Variants in TTLL11 observed in about 807,000 individuals in gnomAD.
TTLL11 encodes tubulin polyglutamylase TTLL11.
Under a neutral mutation model 51.7 loss-of-function variants are expected in TTLL11, and 42 were observed. The observed-to-expected ratio is 0.81, with a 90% CI of 0.64 to 1.05. TTLL11 has a LOEUF of 1.05. TTLL11 is among the 50% of genes least tolerant of loss of function. TTLL11 has a pLI of 0.00. For missense variants in TTLL11, 799 were observed against 940.4 expected (o/e 0.85, Z 1.97); for synonymous variants, 381 against 383.5 (o/e 0.99, Z 0.08).
intron 3 of TTLL11, among the ~76,000 whole-genome samples, chr9:121,997,667 T>C (rs1363535308): frequency 6.6e-6 from 1 of 152,138 alleles, no homozygotes; most frequent in Admixed American, 6.5e-5. Context: ...ACTTACTCCC[T>C]CTTATGGTAC....
intron 7 of TTLL11, among the ~76,000 whole-genome samples, chr9:121,862,657 G>C (rs1418791586): frequency 6.6e-6 from 1 of 152,182 alleles, no homozygotes; most frequent in Non-Finnish European, 1.5e-5. Context: ...CCCCTGTCCT[G>C]GACAGGATCG....
intron 3 of TTLL11, among the ~76,000 whole-genome samples, chr9:122,029,800 C>A (rs894435484): frequency 2.6e-5 from 4 of 152,178 alleles, no homozygotes; most frequent in Admixed American, 2.6e-4. Flanking sequence ...TTACCATTCA[C>A]TCACAGACTC....
intron 1 of TTLL11, among the ~76,000 whole-genome samples, chr9:122,054,491 T>G (rs553833435): frequency 6.0e-4 from 92 of 152,250 alleles, no homozygotes; most frequent in South Asian, 1.9e-3. Context: ...TGGCTTGCAG[T>G]TTTAATTAAA....
intron 8 of TTLL11, among the ~76,000 whole-genome samples, chr9:121,834,808 C>G (rs1249744587): frequency 1.3e-5 from 2 of 149,142 alleles, no homozygotes; most frequent in African/African-American, 4.9e-5. Context: ...GCCTGGGCGA[C>G]AGAGTGAGAC....
At chr9:122,091,409 A>G (rs1846255695) in intron 1 of TTLL11, among the ~76,000 whole-genome samples, 1 of 152,202 alleles carries the variant, frequency 6.6e-6, no homozygotes, top group African/African-American at 2.4e-5. Flanking sequence ...CCAGCATGAA[A>G]GTTCCCCTCT....
At chr9:122,064,776 A>T (rs1845530813) in intron 1 of TTLL11, among the ~76,000 whole-genome samples, 1 of 152,160 alleles carries the variant, frequency 6.6e-6, no homozygotes, top group South Asian at 2.1e-4. Flanking sequence ...AAGACAAAGG[A>T]GGAGGGAAGA....
intron 6 of TTLL11, among the ~76,000 whole-genome samples, chr9:121,943,357 G>A (rs977697941): frequency 6.6e-6 from 1 of 151,778 alleles, no homozygotes; most frequent in Admixed American, 6.6e-5. Flanking sequence ...CAGACACTAA[G>A]ATAAAGGTTT....
chr9:122,005,307 C>T (rs960808882), intron 3 of TTLL11, among the ~76,000 whole-genome samples: 1 of 152,090 alleles, frequency 6.6e-6, no homozygotes, highest in Non-Finnish European at 1.5e-5. Context: ...GACTTCAACT[C>T]AAGGCCCAAT....
chr9:121,876,874 C>G (rs2131408528), intron 6 of TTLL11, among the ~76,000 whole-genome samples: 1 of 152,318 alleles, frequency 6.6e-6, no homozygotes, highest in South Asian at 2.1e-4. Flanking sequence ...TCTGTTGTAG[C>G]AAACCCTGCG....
At chr9:121,915,704 T>G (rs1372613251) in intron 6 of TTLL11, among the ~76,000 whole-genome samples, 1 of 152,136 alleles carries the variant, frequency 6.6e-6, no homozygotes, top group East Asian at 1.9e-4. Flanking sequence ...TAATAATTAG[T>G]ACTTGATTTT....
intron 6 of TTLL11, among the ~76,000 whole-genome samples, chr9:121,905,354 C>CTT (rs901939789): frequency 2.4e-4 from 34 of 144,104 alleles, no homozygotes; most frequent in African/African-American, 5.6e-4. Flanking sequence ...TTACATTTAA[C>CTT]TTTTTTTTTT....
chr9:121,908,643 C>T (rs182471118), intron 6 of TTLL11, among the ~76,000 whole-genome samples: 9 of 152,278 alleles, frequency 5.9e-5, no homozygotes, highest in African/African-American at 2.2e-4. Context: ...TTTGTCCATC[C>T]AGTTGTTGAT....
At chr9:121,823,983 T>C (rs749570615) in intron 8 of TTLL11, among the ~76,000 whole-genome samples, 35 of 152,246 alleles carry the variant, frequency 2.3e-4, no homozygotes, top group Non-Finnish European at 4.4e-4. Flanking sequence ...CGGCTGCGAC[T>C]TGCTCTGTGT....
At chr9:122,006,340 C>CAAA (rs5900505) in intron 3 of TTLL11, among the ~76,000 whole-genome samples, 5,595 of 138,846 alleles carry the variant, frequency 0.04, 111 homozygotes, top group African/African-American at 0.058. Flanking sequence ...GAGACTATCT[C>CAAA]AAAAAAAAAA....
At chr9:121,927,364 G>T (rs1031927856) in intron 6 of TTLL11, among the ~76,000 whole-genome samples, 1 of 152,322 alleles carries the variant, frequency 6.6e-6, no homozygotes, top group Middle Eastern at 3.4e-3. Flanking sequence ...AAGCTTTTCA[G>T]TTCCTCCGGG....
intron 1 of TTLL11, among the ~76,000 whole-genome samples, chr9:122,055,106 C>G (rs1845256040): frequency 6.6e-6 from 1 of 152,004 alleles, no homozygotes; most frequent in Admixed American, 6.6e-5. Flanking sequence ...GGGGAATGCT[C>G]AGAAATTCCA....
chr9:121,963,853 A>G (rs1842315786), intron 6 of TTLL11: 1 of 152,184 alleles, frequency 6.6e-6, no homozygotes, highest in Admixed American at 6.5e-5. Context: ...TCCTGCTCAC[A>G]CTTGAAAATG....
intron 1 of TTLL11, among the ~76,000 whole-genome samples, chr9:122,042,937 G>A (rs73552045): frequency 0.044 from 6,753 of 152,200 alleles, 293 homozygotes; most frequent in Admixed American, 0.12. Flanking sequence ...GGGCCCGAGG[G>A]GAGGAAGAGA....
chr9:122,048,878 C>G (rs1443063417), intron 1 of TTLL11, among the ~76,000 whole-genome samples: 1 of 152,128 alleles, frequency 6.6e-6, no homozygotes, highest in Admixed American at 6.5e-5. Context: ...TCCACCTGGC[C>G]ACTTTGCAAA....
Sources: allele counts gnomAD v4.1 joint callset (sites outside exome capture counted in the v4.1 genomes callset), GRCh38; gene constraint gnomAD v4.1.1; transcripts MANE v1.5; gene names NCBI Gene and HGNC (gene_info 2026-07-23, HGNC 2026-07-21).